The following RALYL variants were observed in gnomAD, a reference collection of about 807,000 sequenced individuals.
RALYL encodes the protein RNA-binding Raly-like protein.
Under a neutral mutation model 35.1 loss-of-function variants are expected in RALYL, and 29 were observed. That is an observed-to-expected ratio of 0.83 (90% CI 0.61 to 1.13). RALYL has a LOEUF of 1.13. Among genes scored for constraint, RALYL ranks in the 50% most tolerant of loss-of-function variants. The pLI, the probability that RALYL is intolerant of heterozygous loss-of-function variation, is 0.00. For missense variants in RALYL, 359 were observed against 360.4 expected, an observed-to-expected ratio of 1.00 and a Z score of 0.03; for synonymous variants, 120 against 127.6, an observed-to-expected ratio of 0.94 and a Z score of 0.40.
chr8:84,423,801 A>G (rs1392543297), intron 1 of RALYL, among the ~76,000 whole-genome samples: 7 of 149,782 alleles, frequency 4.7e-5, no homozygotes, highest in Admixed American at 4.0e-4. Flanking sequence ...TTTCTCCTTC[A>G]CTTATGAAGC....
chr8:84,815,812 G>C (rs1266464289), intron 4 of RALYL, among the ~76,000 whole-genome samples: 1 of 151,888 alleles, frequency 6.6e-6, no homozygotes, highest in Non-Finnish European at 1.5e-5. Context: ...CGAGCAGGCA[G>C]ATCACGAGGT....
chr8:84,653,856 C>A (rs1186327746), intron 2 of RALYL, among the ~76,000 whole-genome samples: 1 of 151,270 alleles, frequency 6.6e-6, no homozygotes, highest in Non-Finnish European at 1.5e-5. Flanking sequence ...ACTTTTTTAT[C>A]TTAATATTCT....
At chr8:84,531,318 G>A (rs1471854999) in intron 2 of RALYL, among the ~76,000 whole-genome samples, 2 of 152,044 alleles carry the variant, frequency 1.3e-5, no homozygotes, top group East Asian at 3.9e-4. Context: ...GAAGTCAGAG[G>A]GAATAGTCTT....
At chr8:84,254,405 A>G (rs994693294) in intron 1 of RALYL, among the ~76,000 whole-genome samples, 3 of 152,154 alleles carry the variant, frequency 2.0e-5, no homozygotes, top group Non-Finnish European at 2.9e-5. Flanking sequence ...AAGGAAAGTA[A>G]AGATGAAATT....
chr8:84,202,374 T>A (rs932059654), intron 1 of RALYL, among the ~76,000 whole-genome samples: 2 of 146,438 alleles, frequency 1.4e-5, no homozygotes, highest in Admixed American at 1.4e-4. Context: ...GGGATTTTTT[T>A]TTTTTTTTTT....
intron 5 of RALYL, among the ~76,000 whole-genome samples, chr8:84,860,776 GT>G (rs1243062295): frequency 2.0e-5 from 3 of 152,006 alleles, no homozygotes; most frequent in East Asian, 3.8e-4. Context: ...ATATCTCTTA[GT>G]TTTTTCCCCA....
chr8:84,512,081 T>C (rs1487731170), intron 1 of RALYL, among the ~76,000 whole-genome samples: 2 of 152,116 alleles, frequency 1.3e-5, no homozygotes, highest in African/African-American at 4.8e-5. Context: ...CTGGATCATA[T>C]GGTCATTCTA....
intron 1 of RALYL, among the ~76,000 whole-genome samples, chr8:84,428,008 A>G (rs951321540): frequency 3.9e-5 from 6 of 152,028 alleles, no homozygotes; most frequent in African/African-American, 1.5e-4. Context: ...CCTGTAAAAT[A>G]AAGATTGCCA....
intron 1 of RALYL, among the ~76,000 whole-genome samples, chr8:84,266,201 G>T (rs1833260526): frequency 6.6e-6 from 1 of 151,516 alleles, no homozygotes; most frequent in Admixed American, 6.6e-5. Context: ...ATACCTCTTG[G>T]TTTTTTGCCA....
intron 2 of RALYL, among the ~76,000 whole-genome samples, chr8:84,738,834 G>T (rs1847794083): frequency 2.6e-5 from 4 of 151,978 alleles, no homozygotes; most frequent in Admixed American, 2.6e-4. Flanking sequence ...AACCTATTGA[G>T]TGTTTAATTA....
rs191297585 is a variant in RALYL at position 84,867,130 on chromosome 8, G to T, written c.571+4677G>T. 2.5e-3 allele frequency among the ~76,000 whole-genome samples: 374 copies of T among 152,280 alleles called. 2 individuals are homozygous for T. Among genetic ancestry groups the T allele is most frequent in the South Asian group, 0.02 (96 of 4,826 alleles). On this transcript the variant is annotated intron_variant, in intron 6 of 8. Coordinates refer to ENST00000521268, the MANE Select transcript of RALYL (RefSeq NM_173848.7). ...AGTCCTCTCTCCTTGACTGGTAGAT[G>T]ACCATCTTCTCCCCATGTCTTCACA...
chr8:84,425,049 A>T (rs1388018258), intron 1 of RALYL, among the ~76,000 whole-genome samples: 2 of 152,198 alleles, frequency 1.3e-5, no homozygotes, highest in Non-Finnish European at 2.9e-5. Flanking sequence ...AGAGGCAGGC[A>T]GACCTCCTTG....
chr8:84,587,437 T>C (rs148030699), intron 2 of RALYL, among the ~76,000 whole-genome samples: 200 of 152,364 alleles, frequency 1.3e-3, no homozygotes, highest in African/African-American at 4.4e-3. Flanking sequence ...ATTTGTTCTA[T>C]AAGATAGCAG....
intron 2 of RALYL, among the ~76,000 whole-genome samples, chr8:84,542,209 A>G (rs1209200766): frequency 1.3e-5 from 2 of 151,948 alleles, no homozygotes; most frequent in Non-Finnish European, 2.9e-5. Flanking sequence ...CTCAGCTTAT[A>G]CCATTTTACT....
intron 1 of RALYL, among the ~76,000 whole-genome samples, chr8:84,521,350 T>C (rs1172640345): frequency 1.3e-5 from 2 of 152,264 alleles, no homozygotes; most frequent in African/African-American, 4.8e-5. Context: ...ATTTCTGTTA[T>C]TTAAGCTACT....
chr8:84,889,883 C>T (rs372640547), intron 8 of RALYL, among the ~76,000 whole-genome samples: 104 of 152,210 alleles, frequency 6.8e-4, no homozygotes, highest in African/African-American at 2.4e-3. Context: ...CAACTCACAC[C>T]CCCAAAGTTA....
chr8:84,550,915 G>T (rs183086854), intron 2 of RALYL, among the ~76,000 whole-genome samples: 1 of 151,730 alleles, frequency 6.6e-6, no homozygotes, highest in Admixed American at 6.6e-5. Context: ...ATTTCATTGC[G>T]ACAAAATCTA....
intron 1 of RALYL, among the ~76,000 whole-genome samples, chr8:84,470,041 G>A (rs1307270982): frequency 6.6e-6 from 1 of 152,104 alleles, no homozygotes; most frequent in Non-Finnish European, 1.5e-5. Flanking sequence ...CCACTGTCTG[G>A]CACTTCCTAG....
intron 1 of RALYL, among the ~76,000 whole-genome samples, chr8:84,213,335 G>T (rs1819972115): frequency 1.3e-5 from 2 of 152,208 alleles, no homozygotes; most frequent in South Asian, 4.1e-4. Flanking sequence ...AGGTTGCAGT[G>T]AGCCGAGATC....
Sources: allele counts gnomAD v4.1 joint callset (sites outside exome capture counted in the v4.1 genomes callset), GRCh38; gene constraint gnomAD v4.1.1; transcripts MANE v1.5; gene names NCBI Gene and HGNC (gene_info 2026-07-23, HGNC 2026-07-21).